The following NINL variants were observed in gnomAD, a reference collection of about 807,000 sequenced individuals.
The protein encoded by NINL is ninein like.
In NINL, 153 loss-of-function variants were observed where a neutral mutation model predicts 160.3. The observed-to-expected ratio is 0.95, with a 90% CI of 0.84 to 1.09. The LOEUF (loss-of-function observed/expected upper bound fraction) is 1.09. NINL is among the 50% of genes least tolerant of loss of function. The pLI is 0.00. For synonymous variants in NINL, 800 were observed against 734.8 expected (o/e 1.09, Z -1.43); for missense variants, 1,829 against 1,764.0 (o/e 1.04, Z -0.66).
chr20:25,494,445 C>T (rs187409327), intron 10 of NINL, among the ~76,000 whole-genome samples: 5 of 152,224 alleles, frequency 3.3e-5, no homozygotes, highest in East Asian at 1.9e-4. Flanking sequence ...GTCCCATGAA[C>T]GCTCACAGCA....
At chr20:25,562,953 G>A (rs1349118060) in intron 1 of NINL, among the ~76,000 whole-genome samples, 1 of 152,136 alleles carries the variant, frequency 6.6e-6, no homozygotes, top group African/African-American at 2.4e-5. Flanking sequence ...AGATCACGAG[G>A]TCAGGAGATG....
In NINL at chr20:25,478,967, C is replaced by T. The variant is rs35707716; in HGVS notation, c.2157G>A (p.Leu719=). Residue 719 remains leucine, a synonymous_variant, in exon 16 of 24, where the codon CTG becomes CTA. Transcript: ENST00000278886. ...TGTGATGCCGCAGGGCCAGGCCACA[C>T]AGTGCCTGGGTGCAGCAGGGTGCCA... ...MGLAPCCTQA[L]CGLALRHHSH... The T allele has an allele frequency of 2.6e-3, 4,178 of 1,589,480 alleles. 55 individuals carry two copies. The African/African-American group carries it at 0.039, about 15-fold the overall frequency.
Position 25,476,478 on chromosome 20 carries a change from G to C in NINL, c.2813C>G (p.Ala938Gly). ...ASAAGLEQPGARELPLLGTER... is the reference protein window; with the variant it reads ...ASAAGLEQPGGRELPLLGTER... ...TGTTCCCAGCAGAGGCAGCTCCCGG[G>C]CTCCAGGCTGCTCCAGCCCCGCTGC... Residue 938 changes from alanine to glycine, a missense_variant, in exon 17 of 24, where the codon GCC becomes GGC. Ala to Gly is a moderately conservative substitution (Grantham distance 60). Transcript: ENST00000278886. 1 of 1,605,642 alleles carries C rather than the reference G, an allele frequency of 6.2e-7. No homozygotes were observed. Among genetic ancestry groups the C allele is most frequent in the South Asian group, 1.1e-5 (1 of 91,072 alleles).
intron 13 of NINL, among the ~76,000 whole-genome samples, chr20:25,484,815 A>G (rs2063475281): frequency 6.6e-6 from 1 of 152,244 alleles, no homozygotes; most frequent in Non-Finnish European, 1.5e-5. Context: ...GATTCTGATG[A>G]AGGCAGTATA....
In NINL at chr20:25,489,116, A is replaced by G. The variant is rs534316089; in HGVS notation, c.1677+128T>C. ...CTAAGTCTAGGAGTGTGGCAAGGCC[A>G]TGGTCAAGCATGGCCGCAAGCAGAG... On this transcript the variant is annotated intron_variant, in intron 13 of 23. Coordinates refer to ENST00000278886, the MANE Select transcript of NINL (RefSeq NM_025176.6). The G allele has an allele frequency of 1.2e-5, 11 of 911,366 alleles. No homozygotes were observed. In the African/African-American group the frequency reaches 1.6e-4, roughly 13 times the overall value. 56.5% of individuals were successfully genotyped at this position (911,366 alleles called of 1,614,324 possible).
At chr20:25,475,598 G>A (rs1215729581) in intron 17 of NINL, among the ~76,000 whole-genome samples, 4 of 152,196 alleles carry the variant, frequency 2.6e-5, no homozygotes, top group Non-Finnish European at 4.4e-5. Flanking sequence ...AGGGCCGGGC[G>A]CAGTGGCTCA....
chr20:25,541,187 G>A (rs1208983378), intron 1 of NINL, among the ~76,000 whole-genome samples: 1 of 152,140 alleles, frequency 6.6e-6, no homozygotes, highest in Non-Finnish European at 1.5e-5. Flanking sequence ...TTTAATGTGG[G>A]TTCTGCCACT....
rs1324543567 is a variant in NINL at position 25,476,233 on chromosome 20, C to A, written c.3058G>T (p.Gly1020Trp). ...HKHSVEVARR[G>W]SLPSHLQLAD... is the part of the protein sequence containing the mutation. ...AGCTGGAGGTGGGATGGCAAGGACCCTCTCCTGGCAACCTCCACACTGTGC... is the reference window on the plus strand; with the variant it reads ...AGCTGGAGGTGGGATGGCAAGGACCATCTCCTGGCAACCTCCACACTGTGC... The change falls in exon 17 of 24, where the codon GGG (glycine) becomes TGG (tryptophan). Residue 1020 changes from glycine (G) to tryptophan (W), a missense_variant. Transcript: ENST00000278886. 1 of 1,614,074 alleles carries A rather than the reference C, an allele frequency of 6.2e-7. No individual in the cohort carries two copies. The highest frequency in any genetic ancestry group is 8.5e-7 in the Non-Finnish European group (1 of 1,180,002).
chr20:25,485,031 A>C (rs1852999865), intron 13 of NINL, among the ~76,000 whole-genome samples: 1 of 151,020 alleles, frequency 6.6e-6, no homozygotes, highest in Non-Finnish European at 1.5e-5. Context: ...GAAACATCAG[A>C]AACACACAAA....
intron 1 of NINL, among the ~76,000 whole-genome samples, chr20:25,583,694 A>G (rs1009042032): frequency 1.3e-5 from 2 of 152,224 alleles, no homozygotes; most frequent in African/African-American, 4.8e-5. Flanking sequence ...TTGCAGCACT[A>G]TTTACAATAG....
chr20:25,458,381 AC>A lies in NINL; in HGVS notation c.3843+1del, dbSNP rs2090746347. The A allele has an allele frequency of 1.2e-6, 2 of 1,605,092 alleles. No individual in the cohort carries two copies. The highest frequency in any genetic ancestry group is 1.7e-6 in the Non-Finnish European group (2 of 1,179,804). On this transcript the variant is annotated splice_donor_variant, in intron 22 of 23. Coordinates refer to ENST00000278886, the MANE Select transcript of NINL (RefSeq NM_025176.6). LOFTEE classifies it high-confidence loss of function. The stretch of plus-strand genomic sequence containing the variant: ...GCCATCTCTCGCTGCATCCCCACTT[AC>A]CCGCTGTGCATCCAGGCGCCTCCTG...
intron 2 of NINL, among the ~76,000 whole-genome samples, chr20:25,518,186 C>T (rs140172729): frequency 3.4e-4 from 52 of 152,330 alleles, no homozygotes; most frequent in African/African-American, 1.1e-3. Flanking sequence ...CTGCAGAAGG[C>T]GTCTCCGCCA....
chr20:25,521,216 C>T (rs2146935394), intron 2 of NINL, among the ~76,000 whole-genome samples: 1 of 152,294 alleles, frequency 6.6e-6, no homozygotes, highest in East Asian at 1.9e-4. Flanking sequence ...GTCTAATCTG[C>T]TGTTAAATGC....
chr20:25,572,042 C>G (rs2065060154), intron 1 of NINL, among the ~76,000 whole-genome samples: 1 of 152,064 alleles, frequency 6.6e-6, no homozygotes, highest in African/African-American at 2.4e-5. Context: ...GAGAACTCAG[C>G]AGAAGCCTAG....
intron 5 of NINL, among the ~76,000 whole-genome samples, chr20:25,507,471 T>C (rs955354716): frequency 4.6e-5 from 7 of 152,194 alleles, no homozygotes; most frequent in African/African-American, 1.7e-4. Flanking sequence ...GTGAGTTATA[T>C]GTCCAGCCAG....
At chr20:25,489,636 C>A (rs988539754) in intron 12 of NINL, among the ~76,000 whole-genome samples, 1 of 152,154 alleles carries the variant, frequency 6.6e-6, no homozygotes, top group Non-Finnish European at 1.5e-5. Context: ...TCCCTCCACG[C>A]CCCCCACCAC....
rs527633572 is a variant in NINL at position 25,476,215 on chromosome 20, G to A, written c.3076C>T (p.Leu1026Phe). ...GAACCCTGCGGGTCTGCGAGCTGGA[G>A]GTGGGATGGCAAGGACCCTCTCCTG... ...VARRGSLPSH[L>F]QLADPQGSWQ... Residue 1026 changes from leucine to phenylalanine, a missense_variant, in exon 17 of 24, where the codon CTC (leucine) becomes TTC (phenylalanine). Physicochemically the swap from Leu to Phe is conservative, Grantham distance 22. Transcript: ENST00000278886. 2.5e-6 allele frequency: 4 copies of A among 1,614,098 alleles called. No homozygotes were observed. The East Asian group carries it at 6.7e-5, about 27-fold the overall frequency.
intron 1 of NINL, among the ~76,000 whole-genome samples, chr20:25,557,958 G>A (rs1009382864): frequency 3.6e-4 from 48 of 134,572 alleles, no homozygotes; most frequent in Middle Eastern, 3.7e-3. Flanking sequence ...GTGAAACCCC[G>A]TCTCTACTAA....
intron 20 of NINL, 40 bp downstream of exon 20, chr20:25,462,343 C>G (rs754269013): frequency 8.3e-7 from 1 of 1,203,320 alleles, no homozygotes; most frequent in Admixed American, 2.2e-5. Context: ...CCCTGAGCTC[C>G]CAGCCTCCAG....
Sources: gnomAD v4.1 joint callset for allele counts (sites outside exome capture counted in the v4.1 genomes callset) on GRCh38, gnomAD v4.1.1 for gene constraint, MANE v1.5 for transcripts, NCBI Gene and HGNC (gene_info 2026-07-23, HGNC 2026-07-21) for gene names.